The following LRRC7 variants were observed in gnomAD, a reference collection of about 807,000 sequenced individuals.
LRRC7 encodes the protein leucine rich repeat containing 7.
LRRC7 carries 23 observed loss-of-function variants against 175.7 expected under a neutral mutation model. The observed-to-expected ratio is 0.13, with a 90% CI of 0.09 to 0.19. LRRC7 has a LOEUF of 0.19. Among genes scored for constraint, LRRC7 ranks in the 10% least tolerant of loss-of-function variants. The pLI is 1.00. For missense variants in LRRC7, 1,354 were observed against 1,904.7 expected (o/e 0.71, Z 5.38); for synonymous variants, 685 against 680.9 (o/e 1.01, Z -0.09).
rs1299699393 is a variant in LRRC7 at position 70,138,785 on chromosome 1, AGTGAGAAGATCAGTGCCAG to A, written c.*16901_*16919del. ...TCGTTTGTCCAAGGTATGATCTACC[AGTGAGAAGATCAGTGCCAG>A]GTCACAGAAAAAGCTAATCATTTTT... On this transcript the variant is annotated 3_prime_UTR_variant, in exon 27 of 27. Coordinates refer to ENST00000651989, the MANE Select transcript of LRRC7 (RefSeq NM_001370785.2). 1 of 152,220 alleles carries A rather than the reference AGTGAGAAGATCAGTGCCAG, an allele frequency of 6.6e-6. No individual in the cohort carries two copies. Among genetic ancestry groups the A allele is most frequent in the African/African-American group, 2.4e-5 (1 of 41,462 alleles). 9.4% of individuals were successfully genotyped at this position (152,220 alleles called of 1,614,324 possible).
At chr1:69,932,592 G>A (rs1005993086) in intron 8 of LRRC7, among the ~76,000 whole-genome samples, 1 of 152,120 alleles carries the variant, frequency 6.6e-6, no homozygotes, top group East Asian at 1.9e-4. Context: ...CATTACCCCA[G>A]CCTCCATCAG....
intron 1 of LRRC7, among the ~76,000 whole-genome samples, chr1:69,674,169 G>A (rs1659478278): frequency 6.6e-6 from 1 of 151,942 alleles, no homozygotes; most frequent in Non-Finnish European, 1.5e-5. Context: ...TTAATATTAT[G>A]TTAATGATAA....
At chr1:69,878,646 T>C (rs1227582967) in intron 7 of LRRC7, among the ~76,000 whole-genome samples, 2 of 152,064 alleles carry the variant, frequency 1.3e-5, no homozygotes, top group Non-Finnish European at 2.9e-5. Context: ...TGACTGTTAC[T>C]GTAGAACTGA....
chr1:70,011,675 A>G (rs1235117752), intron 11 of LRRC7, 122 bp from the exon 12 acceptor site: 7 of 609,622 alleles, frequency 1.1e-5, no homozygotes, highest in South Asian at 6.3e-5. Context: ...GGTAAATTAT[A>G]TAATATTATG....
intron 7 of LRRC7, among the ~76,000 whole-genome samples, chr1:69,903,276 TCAGTTCATCTCA>T (rs1290275369): frequency 6.6e-6 from 1 of 152,142 alleles, no homozygotes; most frequent in African/African-American, 2.4e-5. Context: ...ACTGAGGTAC[TCAGTTCATCTCA>T]CTGGGACTGG....
At chr1:69,884,749 G>T (rs2101623450) in intron 7 of LRRC7, among the ~76,000 whole-genome samples, 1 of 146,702 alleles carries the variant, frequency 6.8e-6, no homozygotes, top group South Asian at 2.2e-4. Flanking sequence ...ATTGGCTGTG[G>T]GTTTGTCATA....
chr1:69,816,606 A>G (rs567735782), intron 4 of LRRC7, among the ~76,000 whole-genome samples: 1 of 152,330 alleles, frequency 6.6e-6, no homozygotes, highest in African/African-American at 2.4e-5. Flanking sequence ...CACAGTTGGC[A>G]TTTGACTATG....
intron 1 of LRRC7, among the ~76,000 whole-genome samples, chr1:69,663,596 A>T (rs908341677): frequency 3.3e-5 from 5 of 150,394 alleles, no homozygotes; most frequent in Non-Finnish European, 2.9e-5. Context: ...CTAATTTTTG[A>T]TACCCATTAG....
intron 7 of LRRC7, among the ~76,000 whole-genome samples, chr1:69,848,015 C>G (rs941453562): frequency 6.6e-6 from 1 of 152,006 alleles, no homozygotes; most frequent in East Asian, 1.9e-4. Context: ...CTTTATATCT[C>G]GAAGCATCTT....
Position 69,780,867 on chromosome 1 carries a change from A to C in LRRC7, c.304-11176A>C, listed in dbSNP as rs529943624. 2.0e-5 allele frequency among the ~76,000 whole-genome samples: 3 copies of C among 152,320 alleles called. No homozygotes were observed. In the East Asian group the frequency reaches 5.8e-4, roughly 30 times the overall value. On this transcript the variant is annotated intron_variant, in intron 3 of 26. Coordinates refer to ENST00000651989, the MANE Select transcript of LRRC7 (RefSeq NM_001370785.2). ...AAATCTACATGTGCCTACATATGGC[A>C]TCAATAAGCCTCTCACTGAATATTT...
At chr1:69,675,044 A>T (rs1038168111) in intron 1 of LRRC7, among the ~76,000 whole-genome samples, 10 of 152,198 alleles carry the variant, frequency 6.6e-5, no homozygotes, top group Admixed American at 5.9e-4. Flanking sequence ...GTAAGGCACA[A>T]AGTATGTGAG....
At chr1:69,624,048 G>A (rs1394789349) in intron 1 of LRRC7, among the ~76,000 whole-genome samples, 1 of 152,000 alleles carries the variant, frequency 6.6e-6, no homozygotes, top group Non-Finnish European at 1.5e-5. Context: ...TATATACCTA[G>A]GTGTAGAATG....
chr1:69,978,951 A>C lies in LRRC7; in HGVS notation c.712-1428A>C, dbSNP rs1343499091. On this transcript the variant is annotated intron_variant, in intron 8 of 26. Coordinates refer to ENST00000651989, the MANE Select transcript of LRRC7 (RefSeq NM_001370785.2). ...CAGTTAGAAAAAAAAAAAAAAAAAA[A>C]CAGAAAATCTGCCTTCCAGGCTTAT... is the stretch of plus-strand genomic sequence containing the variant. Among the ~76,000 whole-genome samples, 14 of 138,172 alleles carry C rather than the reference A, an allele frequency of 1.0e-4. No homozygotes were observed. In the East Asian group the frequency reaches 2.9e-3, roughly 29 times the overall value. 90.6% of individuals were successfully genotyped at this position (138,172 alleles called of 152,430 possible).
chr1:70,100,129 A>G (rs1664708414), intron 25 of LRRC7, among the ~76,000 whole-genome samples: 1 of 152,202 alleles, frequency 6.6e-6, no homozygotes, highest in Admixed American at 6.5e-5. Context: ...AGAAATACTA[A>G]GCAATTAATA....
chr1:69,620,309 T>A (rs373984959), intron 1 of LRRC7, among the ~76,000 whole-genome samples: 2 of 152,138 alleles, frequency 1.3e-5, no homozygotes, highest in Non-Finnish European at 2.9e-5. Context: ...GTAAATATAT[T>A]AGATATAATC....
In LRRC7 at chr1:70,127,267, T is replaced by C. The variant is rs1413256576; in HGVS notation, c.*5380T>C. ...CTCTCAGCTTCTTACTGAGACAGGT[T>C]CCAATCTTCCTTACTTTCAACACTG... On this transcript the variant is annotated 3_prime_UTR_variant, in exon 27 of 27. Coordinates refer to ENST00000651989, the MANE Select transcript of LRRC7 (RefSeq NM_001370785.2). Among the ~76,000 whole-genome samples, 1 of 152,208 alleles carries C rather than the reference T, an allele frequency of 6.6e-6. No homozygotes were observed. Among genetic ancestry groups the C allele is most frequent in the Non-Finnish European group, 1.5e-5 (1 of 68,024 alleles).
At chr1:69,693,632 A>T (rs976648191) in intron 2 of LRRC7, among the ~76,000 whole-genome samples, 1 of 150,974 alleles carries the variant, frequency 6.6e-6, no homozygotes, top group African/African-American at 2.4e-5. Context: ...TCCAATTTAA[A>T]TGTTAATCTC....
chr1:70,037,679 A>G (rs1659438445), intron 20 of LRRC7, among the ~76,000 whole-genome samples: 2 of 152,212 alleles, frequency 1.3e-5, no homozygotes, highest in Non-Finnish European at 2.9e-5. Context: ...CAGGAATCAT[A>G]TGATTCTAAT....
chr1:70,088,326 G>T (rs555936422), intron 24 of LRRC7, among the ~76,000 whole-genome samples: 7 of 152,134 alleles, frequency 4.6e-5, no homozygotes, highest in South Asian at 2.1e-4. Context: ...GGAGGCCAAG[G>T]TGGGAGAATC....
Sources: gnomAD v4.1 joint callset for allele counts (sites outside exome capture counted in the v4.1 genomes callset) on GRCh38, gnomAD v4.1.1 for gene constraint, MANE v1.5 for transcripts, NCBI Gene and HGNC (gene_info 2026-07-23, HGNC 2026-07-21) for gene names.